CKMT2: variants seen among roughly 807,000 people sequenced by gnomAD.
CKMT2 encodes creatine kinase, mitochondrial 2, also known as creatine kinase S-type, mitochondrial.
In CKMT2, 43 loss-of-function variants were observed where a neutral mutation model predicts 48.9. The ratio of observed to expected loss-of-function variants is 0.88; its 90% CI spans 0.69 to 1.13. The LOEUF (loss-of-function observed/expected upper bound fraction) is 1.13. Ranked by LOEUF, CKMT2 falls within the 50% of genes most tolerant of loss-of-function variation. The probability of loss-of-function intolerance (pLI) is 0.00; values close to 1 mark genes in which losing one functional copy is unlikely to be tolerated. For synonymous variants in CKMT2, 206 were observed against 213.0 expected, an observed-to-expected ratio of 0.97 and a Z score of 0.29; for missense variants, 472 against 555.4, an observed-to-expected ratio of 0.85 and a Z score of 1.51.
intron 6 of CKMT2, among the ~76,000 whole-genome samples, chr5:81,257,410 G>T (rs560191526): frequency 6.6e-6 from 1 of 152,036 alleles, no homozygotes; most frequent in East Asian, 1.9e-4. Context: ...GAATCTTTTA[G>T]GAGACAAAAC....
At chr5:81,261,850 T>G (rs920451252) in intron 8 of CKMT2, among the ~76,000 whole-genome samples, 3 of 152,196 alleles carry the variant, frequency 2.0e-5, no homozygotes, top group Non-Finnish European at 2.9e-5. Flanking sequence ...ACTTTAAATT[T>G]CATATGGAAC....
chr5:81,253,693 C>T (rs1433347850), intron 3 of CKMT2, among the ~76,000 whole-genome samples: 1 of 152,332 alleles, frequency 6.6e-6, no homozygotes, highest in East Asian at 1.9e-4. Context: ...TAGTTTGGGT[C>T]CCAAGCTAGC....
In CKMT2 at chr5:81,252,772, G is replaced by A. The variant is rs778884873; in HGVS notation, c.230G>A (p.Arg77His). Residue 77 changes from arginine (R) to histidine (H), a missense_variant, in exon 3 of 10, where the codon CGC becomes CAC. Arg to His is a conservative substitution (Grantham distance 29). Coordinates refer to ENST00000254035, the MANE Select transcript of CKMT2 (RefSeq NM_001099735.2). ...CLTPAIYAKL[R>H]NKVTPNGYTL... is the part of the protein sequence containing the mutation. Reference sequence around the variant, plus strand: ...ACCCCCGCCATTTATGCCAAGCTTCGCAACAAGGTGACACCCAACGGCTAC... The same window carrying A: ...ACCCCCGCCATTTATGCCAAGCTTCACAACAAGGTGACACCCAACGGCTAC... 77 of 1,614,066 alleles carry A rather than the reference G, an allele frequency of 4.8e-5. No individual in the cohort carries two copies. Among genetic ancestry groups the A allele is most frequent in the Admixed American group, 6.7e-5 (4 of 60,004 alleles).
chr5:81,249,281 C>A (rs1457472481), intron 1 of CKMT2, among the ~76,000 whole-genome samples: 1 of 152,094 alleles, frequency 6.6e-6, no homozygotes, highest in African/African-American at 2.4e-5. Context: ...AGACAGCTAA[C>A]AATGTTGGCC....
Position 81,266,121 on chromosome 5 carries a change from T to C in CKMT2, c.1141-18T>C. 6.2e-7 allele frequency: 1 copy of C among 1,609,994 alleles called. No homozygotes were observed. The highest frequency in any genetic ancestry group is 8.5e-7 in the Non-Finnish European group (1 of 1,176,838). On this transcript the variant is annotated intron_variant, in intron 9 of 9. Coordinates refer to ENST00000254035, the MANE Select transcript of CKMT2 (RefSeq NM_001099735.2). Reference sequence around the variant, plus strand: ...TGCTTCTATTCAAATTAATCATTCATCTTCTTCACTGTCAAAGGTTGAGCT... The same window carrying C: ...TGCTTCTATTCAAATTAATCATTCACCTTCTTCACTGTCAAAGGTTGAGCT...
chr5:81,239,971 C>A (rs1397484752), intron 1 of CKMT2, among the ~76,000 whole-genome samples: 1 of 152,122 alleles, frequency 6.6e-6, no homozygotes, highest in Non-Finnish European at 1.5e-5. Flanking sequence ...GGAAAAGCTG[C>A]CACATAGTAG....
At chr5:81,249,176 G>A (rs946058417) in intron 1 of CKMT2, among the ~76,000 whole-genome samples, 1 of 151,598 alleles carries the variant, frequency 6.6e-6, no homozygotes, top group African/African-American at 2.4e-5. Flanking sequence ...AGCCTCCTGA[G>A]TAGCTGAGAC....
At chr5:81,238,491 C>T (rs1034207102) in intron 1 of CKMT2, 1 of 152,198 alleles carries the variant, frequency 6.6e-6, no homozygotes, top group African/African-American at 2.4e-5. Flanking sequence ...GCCCACAGAC[C>T]ACACTTTGGC....
rs201684795 is a variant in CKMT2, at chr5:81,252,938, G to A, written c.351+45G>A. 1.6e-3 allele frequency: 2,491 copies of A among 1,603,928 alleles called. 2 individuals are homozygous for A. Among genetic ancestry groups the A allele is most frequent in the Non-Finnish European group, 2.1e-3 (2,412 of 1,171,544 alleles). ...GTTCCAGGGTGGGAGGGATGCTCTG[G>A]ATATGACTGACTTGCACAGTCCTGG... On this transcript the variant is annotated intron_variant, in intron 3 of 9. Coordinates refer to ENST00000254035, the MANE Select transcript of CKMT2 (RefSeq NM_001099735.2).
At chr5:81,244,171 C>G in intron 1 of CKMT2, 1 of 985,440 alleles carries the variant, frequency 1.0e-6, no homozygotes, top group Non-Finnish European at 1.2e-6. Context: ...GCCAGCAGGC[C>G]ACTTTTCACT....
At chr5:81,258,973 A>G (rs1757111797) in intron 7 of CKMT2, 147 bp from the exon 8 acceptor site, 1 of 711,044 alleles carries the variant, frequency 1.4e-6, no homozygotes. Context: ...GAGAGGTATT[A>G]TTTTCTCTTA....
In CKMT2 at chr5:81,237,104, G is replaced by A. The variant is rs185060423; in HGVS notation, c.-21+3727G>A. 4.7e-4 allele frequency among the ~76,000 whole-genome samples: 72 copies of A among 152,278 alleles called. No individual in the cohort carries two copies. The South Asian group carries it at 8.1e-3, about 17-fold the overall frequency. ...GTGGAGACTGCAGTGAGCTGAGATC[G>A]CACCACTGCACTCCAGCCTGGGTGA... is the stretch of plus-strand genomic sequence containing the variant. On this transcript the variant is annotated intron_variant, in intron 1 of 9. Transcript: ENST00000254035.
chr5:81,234,368 T>G (rs1264751928), intron 1 of CKMT2, among the ~76,000 whole-genome samples: 1 of 152,166 alleles, frequency 6.6e-6, no homozygotes, highest in Non-Finnish European at 1.5e-5. Context: ...GTGTGCTGTT[T>G]CCAGAAGGGC....
At chr5:81,244,004 CTTAT>C in intron 1 of CKMT2, 1 of 983,854 alleles carries the variant, frequency 1.0e-6, no homozygotes, top group Non-Finnish European at 1.2e-6. Flanking sequence ...CTAATATGAT[CTTAT>C]TTAGTTGACA....
chr5:81,259,520 G>C, intron 8 of CKMT2: 1 of 285,760 alleles, frequency 3.5e-6, no homozygotes. Context: ...GGTAGGCTCT[G>C]CTCTCTCTGG....
intron 1 of CKMT2, among the ~76,000 whole-genome samples, chr5:81,246,027 C>T (rs565786256): frequency 6.6e-6 from 1 of 152,118 alleles, no homozygotes; most frequent in East Asian, 1.9e-4. Context: ...CTCTCATCCT[C>T]GCTGACTCAC....
intron 1 of CKMT2, among the ~76,000 whole-genome samples, chr5:81,239,610 A>C (rs1239407837): frequency 7.2e-5 from 11 of 152,188 alleles, no homozygotes; most frequent in Admixed American, 7.2e-4. Context: ...TCCTAGTCCC[A>C]GGGCAGGTGG....
intron 1 of CKMT2, chr5:81,244,338 G>A: frequency 3.9e-6 from 1 of 258,968 alleles, no homozygotes; most frequent in Non-Finnish European, 6.0e-6. Context: ...CACTATCTAT[G>A]TGGGCCTTTC....
At chr5:81,236,445 G>A (rs1475939748) in intron 1 of CKMT2, among the ~76,000 whole-genome samples, 2 of 152,128 alleles carry the variant, frequency 1.3e-5, no homozygotes, top group Non-Finnish European at 2.9e-5. Flanking sequence ...CTTCTCTTGA[G>A]CCTCTGTTTC....
Sources: gnomAD v4.1 joint callset for allele counts (sites outside exome capture counted in the v4.1 genomes callset) on GRCh38, gnomAD v4.1.1 for gene constraint, MANE v1.5 for transcripts, NCBI Gene and HGNC (gene_info 2026-07-23, HGNC 2026-07-21) for gene names.